RAD51B: variants seen among roughly 807,000 people sequenced by gnomAD.
The protein encoded by RAD51B is DNA repair protein RAD51 homolog 2.
In RAD51B, 38 loss-of-function variants were observed where a neutral mutation model predicts 42.2. That is an observed-to-expected ratio of 0.90 (90% CI 0.70 to 1.18). The LOEUF (loss-of-function observed/expected upper bound fraction) is 1.18, where lower values mean the gene tolerates loss of function less well. Ranked by LOEUF, RAD51B falls within the 50% of genes most tolerant of loss-of-function variation. The pLI, the probability that RAD51B is intolerant of heterozygous loss-of-function variation, is 0.00. For synonymous variants in RAD51B, 154 were observed against 145.2 expected (o/e 1.06, Z -0.43); for missense variants, 373 against 400.7 (o/e 0.93, Z 0.59).
chr14:68,613,744 C>A (rs747071089), downstream of RAD51B, among the ~76,000 whole-genome samples: 3 of 152,148 alleles, frequency 2.0e-5, no homozygotes, highest in South Asian at 2.1e-4. Context: ...GTGAGCCACC[C>A]TGCCTGGCCA....
chr14:68,536,352 C>A (rs919656898), intron 10 of RAD51B, among the ~76,000 whole-genome samples: 8 of 152,170 alleles, frequency 5.3e-5, no homozygotes, highest in African/African-American at 1.7e-4. Flanking sequence ...ATTCCCAACC[C>A]CTCCCTGGAT....
chr14:68,293,257 T>C (rs1438189890), intron 8 of RAD51B, among the ~76,000 whole-genome samples: 1 of 152,152 alleles, frequency 6.6e-6, no homozygotes, highest in African/African-American at 2.4e-5. Context: ...TGTTTTGTTT[T>C]TGTTTTTGTT....
chr14:68,159,335 A>C (rs1196356835), intron 7 of RAD51B, among the ~76,000 whole-genome samples: 1 of 152,136 alleles, frequency 6.6e-6, no homozygotes, highest in African/African-American at 2.4e-5. Context: ...TAAAAATGCT[A>C]TTGAGGCTGG....
At chr14:68,192,815 T>C (rs2079293862) in intron 7 of RAD51B, among the ~76,000 whole-genome samples, 1 of 152,204 alleles carries the variant, frequency 6.6e-6, no homozygotes, top group Admixed American at 6.5e-5. Flanking sequence ...TGTTAAAATA[T>C]TGGCATATCC....
intron 7 of RAD51B, among the ~76,000 whole-genome samples, chr14:68,147,956 A>G (rs2078288701): frequency 6.6e-6 from 1 of 152,174 alleles, no homozygotes; most frequent in South Asian, 2.1e-4. Context: ...AAATGTTTCT[A>G]CATGACCTTT....
In RAD51B at chr14:68,530,289, TAAAA is replaced by T. The variant is rs75359642; in HGVS notation, c.1036+62046_1036+62049del. Among the ~76,000 whole-genome samples, 132 of 150,140 alleles carry T rather than the reference TAAAA, an allele frequency of 8.8e-4. 1 individual carries two copies. The highest frequency in any genetic ancestry group is 1.5e-3 in the Non-Finnish European group (104 of 67,470). Reference sequence around the variant, plus strand: ...CGAGACCCCATCTCTACAAAAAATTTAAAAAAAAAATGCCAGTCATAATGGCATG... The same window carrying T: ...CGAGACCCCATCTCTACAAAAAATTTAAAAAATGCCAGTCATAATGGCATG... On this transcript the variant is annotated intron_variant, in intron 10 of 10. Coordinates refer to the RAD51B transcript ENST00000487270.
chr14:68,625,386 G>T (rs1190516074), intron 10 of RAD51B, among the ~76,000 whole-genome samples: 1 of 152,174 alleles, frequency 6.6e-6, no homozygotes, highest in East Asian at 1.9e-4. Context: ...GCAGAATGAA[G>T]GACCGCCTCC....
chr14:68,008,257 A>G (rs1005135905), intron 7 of RAD51B, among the ~76,000 whole-genome samples: 1 of 152,010 alleles, frequency 6.6e-6, no homozygotes, highest in East Asian at 1.9e-4. Flanking sequence ...TACATATAGT[A>G]CAATATTTTA....
At chr14:68,036,830 A>G (rs1319822336) in intron 7 of RAD51B, among the ~76,000 whole-genome samples, 1 of 152,178 alleles carries the variant, frequency 6.6e-6, no homozygotes, top group African/African-American at 2.4e-5. Flanking sequence ...CTATATTGCT[A>G]TAAAGTTTTT....
chr14:68,081,551 TA>T, intron 7 of RAD51B, among the ~76,000 whole-genome samples: 1 of 152,394 alleles, frequency 6.6e-6, no homozygotes, highest in East Asian at 1.9e-4. Flanking sequence ...CTTCCTAATT[TA>T]TTTATAATAA....
At chr14:68,394,975 C>T (rs980692363) in intron 8 of RAD51B, among the ~76,000 whole-genome samples, 1 of 152,188 alleles carries the variant, frequency 6.6e-6, no homozygotes, top group Non-Finnish European at 1.5e-5. Context: ...AACAGAGGTC[C>T]GTCCCCTGCA....
intron 11 of RAD51B, among the ~76,000 whole-genome samples, chr14:68,657,555 A>ATAGGAGC (rs1892841989): frequency 6.6e-6 from 1 of 152,244 alleles, no homozygotes; most frequent in African/African-American, 2.4e-5. Context: ...GGTCCAGCTC[A>ATAGGAGC]TAGGAGCTGA....
chr14:67,984,384 C>G (rs1455793243), intron 7 of RAD51B, among the ~76,000 whole-genome samples: 1 of 152,120 alleles, frequency 6.6e-6, no homozygotes, highest in Non-Finnish European at 1.5e-5. Flanking sequence ...TTGTTGGTTT[C>G]AAGACACTTT....
At chr14:68,223,904 G>A (rs532477430) in intron 7 of RAD51B, among the ~76,000 whole-genome samples, 1 of 152,312 alleles carries the variant, frequency 6.6e-6, no homozygotes, top group African/African-American at 2.4e-5. Context: ...AGGCTTAACT[G>A]ACAAACCCAG....
chr14:68,457,379 C>G (rs900011214), intron 9 of RAD51B, among the ~76,000 whole-genome samples: 4 of 151,950 alleles, frequency 2.6e-5, no homozygotes, highest in African/African-American at 9.7e-5. Context: ...TACAACATAT[C>G]AAAGCTTATG....
At chr14:68,320,424 G>T (rs2082136724) in intron 8 of RAD51B, among the ~76,000 whole-genome samples, 1 of 152,212 alleles carries the variant, frequency 6.6e-6, no homozygotes, top group African/African-American at 2.4e-5. Flanking sequence ...AGAGCCTGAG[G>T]AGACTCTCAA....
In RAD51B at chr14:68,504,052, G is replaced by A. The variant is rs532351945; in HGVS notation, c.1036+35802G>A. Among the ~76,000 whole-genome samples the A allele has an allele frequency of 1.6e-4, 25 of 152,188 alleles. No individual in the cohort carries two copies. The South Asian group carries it at 4.4e-3, about 27-fold the overall frequency. Reference sequence around the variant, plus strand: ...GCTTTAATTACATCTTCATCCCTACGGCCCCTTCTGAAGTCGGTAGATGCA... The same window carrying A: ...GCTTTAATTACATCTTCATCCCTACAGCCCCTTCTGAAGTCGGTAGATGCA... On this transcript the variant is annotated intron_variant, in intron 10 of 10. Transcript: ENST00000487270.
chr14:68,468,064 T>A, intron 9 of RAD51B, 108 bp from the exon 10 acceptor site: 1 of 918,856 alleles, frequency 1.1e-6, no homozygotes, highest in Non-Finnish European at 1.8e-6. Context: ...ATAAGCCTTG[T>A]GACTTACAGT....
Position 68,245,612 on chromosome 14 carries a change from G to A in RAD51B, c.757-46272G>A, listed in dbSNP as rs1438378422. On this transcript the variant is annotated intron_variant, in intron 7 of 10. Coordinates refer to ENST00000471583, the MANE Select transcript of RAD51B (RefSeq NM_133510.4). The stretch of plus-strand genomic sequence containing the variant: ...AGAGACTCAGAGGCAGTTTAAAAGT[G>A]GAGGTGGGCATATCTCCAAGGCGAT... Among the ~76,000 whole-genome samples, 2 of 152,344 alleles carry A rather than the reference G, an allele frequency of 1.3e-5. 1 individual carries two copies. The highest frequency in any genetic ancestry group is 1.3e-4 in the Admixed American group (2 of 15,302).
Sources: gnomAD v4.1 joint callset for allele counts (sites outside exome capture counted in the v4.1 genomes callset) on GRCh38, gnomAD v4.1.1 for gene constraint, MANE v1.5 for transcripts, NCBI Gene and HGNC (gene_info 2026-07-23, HGNC 2026-07-21) for gene names.